Variants in HLA-DPA1 observed in about 807,000 individuals in gnomAD.
HLA-DPA1 encodes HLA class II histocompatibility antigen, DP alpha 1 chain.
Under a neutral mutation model 21.5 loss-of-function variants are expected in HLA-DPA1, and 20 were observed. The observed-to-expected ratio is 0.93, with a 90% CI of 0.66 to 1.35. The LOEUF is 1.35. Among genes scored for constraint, HLA-DPA1 ranks in the 40% most tolerant of loss-of-function variants. HLA-DPA1 has a pLI of 0.00. For synonymous variants in HLA-DPA1, 123 were observed against 129.6 expected (o/e 0.95, Z 0.35); for missense variants, 279 against 323.0 (o/e 0.86, Z 1.05).
intron 1 of HLA-DPA1, among the ~76,000 whole-genome samples, chr6:33,075,557 G>A (rs1357244527): frequency 6.6e-6 from 1 of 152,090 alleles, no homozygotes; most frequent in Non-Finnish European, 1.5e-5. Flanking sequence ...TTCTGAGATG[G>A]GTACTCTAAT....
chr6:33,077,776 AC>A (rs1476998725), intron 1 of HLA-DPA1, among the ~76,000 whole-genome samples: 1 of 152,090 alleles, frequency 6.6e-6, no homozygotes, highest in African/African-American at 2.4e-5. Flanking sequence ...CCTAGGACAC[AC>A]CTAGAAGGTA....
chr6:33,071,716 C>T (rs1195625195), intron 2 of HLA-DPA1, among the ~76,000 whole-genome samples: 7 of 152,166 alleles, frequency 4.6e-5, no homozygotes, highest in Non-Finnish European at 1.0e-4. Context: ...TAGGTATACA[C>T]AAGATGCGAC....
intron 2 of HLA-DPA1, among the ~76,000 whole-genome samples, chr6:33,072,555 G>A (rs1240109769): frequency 6.6e-6 from 1 of 152,156 alleles, no homozygotes; most frequent in Non-Finnish European, 1.5e-5. Flanking sequence ...ACCGCGAACA[G>A]GGCAATAGAT....
At chr6:33,079,689 T>C (rs3135024) in intron 1 of HLA-DPA1, 123,913 of 496,294 alleles carry the variant, frequency 0.25, 17,913 homozygotes, top group East Asian at 0.68. Context: ...AAGTTTCTGG[T>C]CCACAGCCTC....
intron 1 of HLA-DPA1, among the ~76,000 whole-genome samples, chr6:33,078,513 A>T (rs1195869855): frequency 6.6e-6 from 1 of 152,200 alleles, no homozygotes; most frequent in Non-Finnish European, 1.5e-5. Flanking sequence ...AGAGGTTTTT[A>T]ATATATCCTA....
At chr6:33,068,655 G>A (rs1305367825) in exon 5 of HLA-DPA1, 3 of 1,611,782 alleles carry the variant, frequency 1.9e-6, no homozygotes, top group Non-Finnish European at 2.5e-6. Flanking sequence ...GTATTTCACA[G>A]GGTCCCCTGG....
At chr6:33,079,812 C>G (rs553660574) in intron 1 of HLA-DPA1, 21 of 456,854 alleles carry the variant, frequency 4.6e-5, no homozygotes, top group Admixed American at 1.9e-4. Flanking sequence ...AGCCGGCCAT[C>G]AGAGTCACCA....
At chr6:33,071,599 C>T (rs34624643) in intron 2 of HLA-DPA1, among the ~76,000 whole-genome samples, 43,655 of 151,550 alleles carry the variant, frequency 0.29, 8,404 homozygotes, top group East Asian at 0.69. Flanking sequence ...TGCTAAATAC[C>T]CAAATAAAAA....
chr6:33,068,948 T>C, intron 4 of HLA-DPA1, 71 bp downstream of exon 3: 1 of 1,566,096 alleles, frequency 6.4e-7, no homozygotes, highest in Non-Finnish European at 8.7e-7. Context: ...TGCGGAAAGC[T>C]GGTGCAGAGG....
intron 3 of HLA-DPA1, 23 bp downstream of exon 2, chr6:33,069,618 G>A (rs1762154049): frequency 6.2e-7 from 1 of 1,610,616 alleles, no homozygotes; most frequent in African/African-American, 1.3e-5. Context: ...GGCTACAGAG[G>A]AAGAGGCAAA....
chr6:33,073,424 C>T, intron 2 of HLA-DPA1, 47 bp downstream of exon 1: 1 of 934,174 alleles, frequency 1.1e-6, no homozygotes, highest in Non-Finnish European at 1.6e-6. Context: ...TGATGTGAAC[C>T]ACCCCATCAC....
intron 1 of HLA-DPA1, chr6:33,076,140 AG>A: frequency 6.2e-7 from 1 of 1,601,634 alleles, no homozygotes; most frequent in Non-Finnish European, 8.5e-7. Context: ...GGGCCACTCC[AG>A]GTAAGAGCCG....
intron 1 of HLA-DPA1, among the ~76,000 whole-genome samples, chr6:33,074,832 C>T (rs1216800031): frequency 1.3e-5 from 2 of 152,130 alleles, no homozygotes; most frequent in African/African-American, 4.8e-5. Flanking sequence ...AAAGTCCCAC[C>T]CAGGCAGTTA....
At chr6:33,069,392 T>A in intron 3 of HLA-DPA1, 92 bp from the exon 3 acceptor site, 4 of 1,295,414 alleles carry the variant, frequency 3.1e-6, no homozygotes, top group Non-Finnish European at 3.2e-6. Flanking sequence ...TACCTCAGCC[T>A]TAGATTTTAT....
chr6:33,067,384 G>A (rs888655892), intron 5 of HLA-DPA1: 2 of 152,054 alleles, frequency 1.3e-5, no homozygotes, highest in African/African-American at 4.8e-5. Context: ...AAAAGAGGCT[G>A]GCACCTCTTT....
chr6:33,069,488 C>A (rs36081724), intron 3 of HLA-DPA1, 153 bp downstream of exon 2: 208,121 of 1,096,130 alleles, frequency 0.19, 29,345 homozygotes, highest in East Asian at 0.63. Context: ...AGAGAGGATG[C>A]AAGCCCTTGC....
chr6:33,080,436 A>T lies in HLA-DPA1; in HGVS notation c.-100+244T>A, dbSNP rs1762774978. ...GCTCGCCCCTCCCTAGTGATCACTC[A>T]GTGCCCCTGAGCTCATTCTTTTCAG... On this transcript the variant is annotated intron_variant, in intron 1 of 5. Coordinates refer to ENST00000419277, the Ensembl canonical transcript of HLA-DPA1. The surrounding 1 kb of genome is among the most constrained non-coding windows in gnomAD (Gnocchi z 4.3). The T allele has an allele frequency of 1.4e-6, 1 of 704,426 alleles. No homozygotes were observed. 43.6% of individuals were successfully genotyped at this position (704,426 alleles called of 1,614,324 possible). A position where few individuals can be genotyped will look rare whatever the true frequency, so the allele number is the denominator to read the frequency against.
Position 33,080,427 on chromosome 6 carries a change from T to A in HLA-DPA1, c.-100+253A>T, listed in dbSNP as rs896516652. On this transcript the variant is annotated intron_variant, in intron 1 of 5. Transcript: ENST00000419277. This position sits in a 1 kb window ranked among gnomAD's most constrained non-coding sequence, Gnocchi z 4.3. Reference sequence around the variant, plus strand: ...CCCCTCAGTGCTCGCCCCTCCCTAGTGATCACTCAGTGCCCCTGAGCTCAT... The same window carrying A: ...CCCCTCAGTGCTCGCCCCTCCCTAGAGATCACTCAGTGCCCCTGAGCTCAT... 1 of 693,308 alleles carries A rather than the reference T, an allele frequency of 1.4e-6. No homozygotes were observed. Among genetic ancestry groups the A allele is most frequent in the Admixed American group, 2.0e-5 (1 of 48,934 alleles). 42.9% of individuals were successfully genotyped at this position (693,308 alleles called of 1,614,324 possible). A position where few individuals can be genotyped will look rare whatever the true frequency, so the allele number is the denominator to read the frequency against.
intron 2 of HLA-DPA1, among the ~76,000 whole-genome samples, chr6:33,070,256 G>A (rs541882231): frequency 0.2 from 30,014 of 151,880 alleles, 3,602 homozygotes; most frequent in African/African-American, 0.33. Flanking sequence ...TATTTCACTC[G>A]CTGAATTGTC....
Sources: gnomAD v4.1 joint callset for allele counts (sites outside exome capture counted in the v4.1 genomes callset) on GRCh38, gnomAD v4.1.1 for gene constraint, Gnocchi (gnomAD v3.1) non-coding constraint, MANE v1.5 for transcripts, NCBI Gene and HGNC (gene_info 2026-07-23, HGNC 2026-07-21) for gene names.